Variants in WWC1 observed in about 807,000 individuals in gnomAD.
WWC1 encodes WW and C2 domain containing 1, also known as protein KIBRA.
WWC1 carries 55 observed loss-of-function variants against 138.4 expected under a neutral mutation model. The observed-to-expected ratio is 0.40, with a 90% confidence interval of 0.32 to 0.50. WWC1 has a LOEUF of 0.50. Ranked by LOEUF, WWC1 falls within the 20% of genes least tolerant of loss-of-function variation. The pLI is 0.72. For missense variants in WWC1, 1,226 were observed against 1,420.4 expected (o/e 0.86, Z 2.20); for synonymous variants, 524 against 564.9 (o/e 0.93, Z 1.03).
At chr5:168,393,373 A>T (rs1778650378) in intron 3 of WWC1, among the ~76,000 whole-genome samples, 1 of 152,178 alleles carries the variant, frequency 6.6e-6, no homozygotes, top group Non-Finnish European at 1.5e-5. Context: ...TTTCAGAGAG[A>T]AAAAAATCAG....
chr5:168,333,945 G>C (rs1012812868), intron 1 of WWC1, among the ~76,000 whole-genome samples: 1 of 151,372 alleles, frequency 6.6e-6, no homozygotes, highest in Non-Finnish European at 1.5e-5. Flanking sequence ...CTGGCAAGGG[G>C]GCTCATGCCT....
At chr5:168,326,236 G>C (rs1364377007) in intron 1 of WWC1, among the ~76,000 whole-genome samples, 1 of 90,466 alleles carries the variant, frequency 1.1e-5, no homozygotes, top group Non-Finnish European at 2.5e-5. Context: ...TTTTTTTTTG[G>C]GACGGAGTTT....
At chr5:168,415,497 G>A (rs1277711492) in intron 9 of WWC1, 1 of 152,020 alleles carries the variant, frequency 6.6e-6, no homozygotes, top group Non-Finnish European at 1.5e-5. Context: ...CACCCACATT[G>A]CACCGAATGC....
chr5:168,467,360 G>A (rs188502099), intron 21 of WWC1, among the ~76,000 whole-genome samples: 526 of 152,338 alleles, frequency 3.5e-3, no homozygotes, highest in Non-Finnish European at 6.5e-3. Context: ...GCTGTCTGTG[G>A]TTTGTTCTCA....
At chr5:168,399,067 A>C (rs534644771) in intron 4 of WWC1, among the ~76,000 whole-genome samples, 1 of 152,232 alleles carries the variant, frequency 6.6e-6, no homozygotes, top group African/African-American at 2.4e-5. Context: ...AAGCACTCTC[A>C]TAGCCTTTGC....
intron 2 of WWC1, among the ~76,000 whole-genome samples, 168 bp downstream of exon 2, chr5:168,371,701 G>A (rs1025835470): frequency 1.3e-5 from 2 of 152,100 alleles, no homozygotes; most frequent in African/African-American, 4.8e-5. Flanking sequence ...GATAGATAAT[G>A]TATGCTTGTG....
At chr5:168,448,092 C>A (rs529361364) in intron 17 of WWC1, among the ~76,000 whole-genome samples, 3 of 152,114 alleles carry the variant, frequency 2.0e-5, no homozygotes, top group Non-Finnish European at 4.4e-5. Context: ...GTCTCCACAC[C>A]CCCTGCCATT....
intron 20 of WWC1, among the ~76,000 whole-genome samples, chr5:168,461,332 A>C (rs1484582147): frequency 6.6e-6 from 1 of 152,180 alleles, no homozygotes; most frequent in Admixed American, 6.5e-5. Flanking sequence ...ACTCTGTCTC[A>C]GGAAAAAAAA....
Position 168,292,136 on chromosome 5 carries a change from C to G in WWC1, c.-17C>G. The G allele has an allele frequency of 6.5e-7, 1 of 1,533,966 alleles. No homozygotes were observed. The highest frequency in any genetic ancestry group is 1.2e-5 in the South Asian group (1 of 81,788). ...GGCCGGGAGCTGCATGGGGGAGCGC[C>G]GGCAGCGCTTGGGAAGATGCCCCGG... is the stretch of plus-strand genomic sequence containing the variant. On this transcript the variant is annotated 5_prime_UTR_variant, in exon 1 of 23. Transcript: ENST00000265293. This position sits in a 1 kb window ranked among gnomAD's most constrained non-coding sequence, Gnocchi z 4.4.
chr5:168,407,016 T>TCC (rs1779850302), intron 6 of WWC1, among the ~76,000 whole-genome samples: 1 of 152,062 alleles, frequency 6.6e-6, no homozygotes, highest in Non-Finnish European at 1.5e-5. Flanking sequence ...TCTTGATAAC[T>TCC]CCTGGGCTCA....
At position 168,427,548 on chromosome 5, in the gene WWC1, ATTTTTTT is replaced by A. The variant is rs34177139; in HGVS notation, c.1811-467_1811-461del. On this transcript the variant is annotated intron_variant, in intron 11 of 22. Coordinates refer to ENST00000265293, the MANE Select transcript of WWC1 (RefSeq NM_015238.3). ...TCACCCTAAAGCAAACTTTTTTTTA[ATTTTTTT>A]TTTTTTTTTTTTTTTTTGCTTTAGC... Among the ~76,000 whole-genome samples the A allele has an allele frequency of 8.3e-4, 84 of 101,148 alleles. 1 individual carries two copies. The highest frequency in any genetic ancestry group is 7.8e-3 in the Middle Eastern group (1 of 128). The allele number at this position is 101,148 out of a possible 152,430, so 66.4% of individuals were successfully genotyped here.
chr5:168,356,139 C>T (rs538194472), intron 1 of WWC1, among the ~76,000 whole-genome samples: 5 of 152,338 alleles, frequency 3.3e-5, no homozygotes, highest in Admixed American at 2.6e-4. Flanking sequence ...GGTTCATTGT[C>T]TGGTGCTCTA....
chr5:168,409,776 T>C (rs1780083670), intron 7 of WWC1, 146 bp from the exon 8 acceptor site: 3 of 766,688 alleles, frequency 3.9e-6, no homozygotes, highest in East Asian at 2.6e-5. Flanking sequence ...CCAGCTTCCC[T>C]GCGATCTGCA....
intron 2 of WWC1, among the ~76,000 whole-genome samples, chr5:168,378,039 C>A (rs932896332): frequency 6.6e-6 from 1 of 152,168 alleles, no homozygotes; most frequent in African/African-American, 2.4e-5. Flanking sequence ...TGCCCATCAG[C>A]AGTGGATTGA....
chr5:168,430,586 C>T (rs924508024), intron 14 of WWC1, among the ~76,000 whole-genome samples: 2 of 152,188 alleles, frequency 1.3e-5, no homozygotes, highest in African/African-American at 2.4e-5. Flanking sequence ...GTTTTATCTT[C>T]TCCTAAGCTC....
At chr5:168,355,511 A>C (rs1297849568) in intron 1 of WWC1, among the ~76,000 whole-genome samples, 1 of 151,664 alleles carries the variant, frequency 6.6e-6, no homozygotes, top group Admixed American at 6.6e-5. Context: ...AAAAAAAAAA[A>C]AAAAAAAACA....
At chr5:168,410,358 GATT>G (rs1263271438) in intron 8 of WWC1, among the ~76,000 whole-genome samples, 1 of 152,224 alleles carries the variant, frequency 6.6e-6, no homozygotes, top group African/African-American at 2.4e-5. Context: ...AGGCTAAAAA[GATT>G]ATGGACACTA....
chr5:168,429,255 A>C (rs1361065566), intron 13 of WWC1, among the ~76,000 whole-genome samples: 1 of 117,910 alleles, frequency 8.5e-6, no homozygotes, highest in Non-Finnish European at 1.7e-5. Flanking sequence ...ATATGATCTC[A>C]ATTTTTTTTT....
rs534432641 is a variant in WWC1 at position 168,423,343 on chromosome 5, C to A, written c.1275-190C>A. On this transcript the variant is annotated intron_variant, in intron 10 of 22. Coordinates refer to ENST00000265293, the MANE Select transcript of WWC1 (RefSeq NM_015238.3). ...GCTATAACTTGAGTCCAAAGCCCAG[C>A]TCTGCCATGTCTTGATTATGTGGCC... Among the ~76,000 whole-genome samples, 3 of 152,214 alleles carry A rather than the reference C, an allele frequency of 2.0e-5. No homozygotes were observed. In the East Asian group the frequency reaches 5.8e-4, roughly 29 times the overall value.
Sources: gnomAD v4.1 joint callset for allele counts (sites outside exome capture counted in the v4.1 genomes callset) on GRCh38, gnomAD v4.1.1 for gene constraint, Gnocchi (gnomAD v3.1) non-coding constraint, MANE v1.5 for transcripts, NCBI Gene and HGNC (gene_info 2026-07-23, HGNC 2026-07-21) for gene names.